Variants in DUSP8 observed in about 807,000 individuals in gnomAD.
DUSP8 encodes the protein dual specificity phosphatase 8, also known as dual specificity protein phosphatase 8.
Under a neutral mutation model 38.7 loss-of-function variants are expected in DUSP8, and 15 were observed. The ratio of observed to expected loss-of-function variants is 0.39; its 90% confidence interval spans 0.26 to 0.60. The LOEUF (loss-of-function observed/expected upper bound fraction) is 0.60. Ranked by LOEUF, DUSP8 falls within the 20% of genes least tolerant of loss-of-function variation. DUSP8 has a pLI of 0.56. For synonymous variants in DUSP8, 458 were observed against 433.9 expected (o/e 1.06, Z -0.69); for missense variants, 768 against 915.0 (o/e 0.84, Z 2.07).
chr11:1,559,110 G>T, intron 3 of DUSP8, 55 bp from the exon 4 acceptor site: 1 of 1,549,682 alleles, frequency 6.5e-7, no homozygotes, highest in Non-Finnish European at 8.7e-7. Flanking sequence ...CTCCCTGTCC[G>T]CCTAGGGTGC....
At position 1,556,851 on chromosome 11, in the gene DUSP8, TG is replaced by T; in HGVS notation, c.1544del (p.Pro515GlnfsTer149). On this transcript the variant is annotated frameshift_variant, in exon 7 of 7. Coordinates refer to ENST00000397374, the MANE Select transcript of DUSP8 (RefSeq NM_004420.3). LOFTEE classifies it high-confidence loss of function. The surrounding 1 kb of genome is among the most constrained non-coding windows in gnomAD (Gnocchi z 5.2). ...AGGGCCCGTCGGGCGACGGCGTGCC[TG>T]GGGAGTCGAGCGGCGGTGCCCAGGC... ...PGAWAPPLDSPGTPSPDGPWC... is the reference protein window; with the variant it reads ...PGAWAPPLDSXGTPSPDGPWC... 2 of 1,138,984 alleles carry T rather than the reference TG, an allele frequency of 1.8e-6. No individual in the cohort carries two copies. The highest frequency in any genetic ancestry group is 1.1e-6 in the Non-Finnish European group (1 of 929,178). The allele number at this position is 1,138,984 out of a possible 1,614,324, so 70.6% of individuals were successfully genotyped here. A position where few individuals can be genotyped will look rare whatever the true frequency, so the allele number is the denominator to read the frequency against.
rs755470031 is a variant in DUSP8, at chr11:1,565,604, G to A, written c.223C>T (p.Arg75Cys). The A allele has an allele frequency of 4.9e-5, 78 of 1,602,274 alleles. No homozygotes were observed. Among genetic ancestry groups the A allele is most frequent in the East Asian group, 1.3e-4 (6 of 44,594 alleles). ...GGCAGTGGGCTGGGTACCTGGCTGC[G>A]TGCAGCCGGCTGGATGAGCTCCGCA... The part of the protein sequence containing the change: ...TIAELIQPAA[R>C]SQVEATEPQD... Residue 75 changes from arginine to cysteine, a missense_variant, in exon 2 of 7, where the codon CGC becomes TGC. Around this residue, in one of 3 missense-constraint regions of DUSP8, gnomAD observed 252 missense variants for 410.4 expected, o/e 0.61. Transcript: ENST00000397374.
intron 2 of DUSP8, 125 bp downstream of exon 2, chr11:1,565,471 G>A: frequency 1.3e-6 from 1 of 759,026 alleles, no homozygotes; most frequent in Non-Finnish European, 2.2e-6. Context: ...ACACGCCCCT[G>A]GCTGTGACCC....
intron 1 of DUSP8, among the ~76,000 whole-genome samples, chr11:1,570,514 A>G (rs957186638): frequency 1.2e-4 from 19 of 152,088 alleles, no homozygotes; most frequent in Admixed American, 3.9e-4. Flanking sequence ...CTGAGAAGAG[A>G]AGGGTCCTGG....
Position 1,556,455 on chromosome 11 carries a change from A to T in DUSP8, c.*63T>A. 8.1e-7 allele frequency: 1 copy of T among 1,230,414 alleles called. No individual in the cohort carries two copies. Among genetic ancestry groups the T allele is most frequent in the Non-Finnish European group, 1.0e-6 (1 of 986,786 alleles). 76.2% of individuals were successfully genotyped at this position (1,230,414 alleles called of 1,614,324 possible). On this transcript the variant is annotated 3_prime_UTR_variant, in exon 7 of 7. Coordinates refer to ENST00000397374, the MANE Select transcript of DUSP8 (RefSeq NM_004420.3). This position sits in a 1 kb window ranked among gnomAD's most constrained non-coding sequence, Gnocchi z 5.2. ...AAAACCATTTACCTTTCTTTGCATT[A>T]TATATAATATACATTTATAACGGGC... is the stretch of plus-strand genomic sequence containing the variant.
At chr11:1,570,563 T>A (rs1848872789) in intron 1 of DUSP8, among the ~76,000 whole-genome samples, 1 of 152,136 alleles carries the variant, frequency 6.6e-6, no homozygotes, top group South Asian at 2.1e-4. Flanking sequence ...GCACCTCTGT[T>A]AATGGGACTT....
In DUSP8 at chr11:1,555,250, G is replaced by A. The variant is rs1298481983; in HGVS notation, c.*1268C>T. Reference sequence around the variant, plus strand: ...GGCTGGCATGCCACCTAGAGAGAGAGCACCCTGGGAAAGGGGTGAATGGGA... The same window carrying A: ...GGCTGGCATGCCACCTAGAGAGAGAACACCCTGGGAAAGGGGTGAATGGGA... On this transcript the variant is annotated 3_prime_UTR_variant, in exon 7 of 7. Coordinates refer to ENST00000397374, the MANE Select transcript of DUSP8 (RefSeq NM_004420.3). The A allele has an allele frequency of 5.1e-6, 5 of 987,764 alleles. No individual in the cohort carries two copies. Among genetic ancestry groups the A allele is most frequent in the Non-Finnish European group, 6.0e-6 (5 of 830,174 alleles). The allele number at this position is 987,764 out of a possible 1,614,324, so 61.2% of individuals were successfully genotyped here.
chr11:1,565,521 T>A, intron 2 of DUSP8, 75 bp downstream of exon 2: 2 of 1,196,532 alleles, frequency 1.7e-6, no homozygotes, highest in Admixed American at 4.2e-5. Context: ...AGGAGGGGGG[T>A]GCTGCCCGAG....
chr11:1,565,981 G>A, intron 1 of DUSP8, 47 bp from the exon 2 acceptor site: 1 of 636,712 alleles, frequency 1.6e-6, no homozygotes. Flanking sequence ...CCCCTGGGTG[G>A]CACCCAGAAG....
At chr11:1,564,291 C>G (rs1439656861) in intron 2 of DUSP8, among the ~76,000 whole-genome samples, 1 of 152,188 alleles carries the variant, frequency 6.6e-6, no homozygotes, top group Non-Finnish European at 1.5e-5. Context: ...ACGCTCTGGG[C>G]CAGGCCTGTG....
rs1399208086 is a variant in DUSP8 at position 1,572,056 on chromosome 11, C to T, written c.-264G>A. On this transcript the variant is annotated 5_prime_UTR_variant, in exon 1 of 7. Transcript: ENST00000397374. The surrounding 1 kb of genome is among the most constrained non-coding windows in gnomAD (Gnocchi z 4.7). The stretch of plus-strand genomic sequence containing the variant: ...GCGTCGCCGTCGCCGCCGTCGCCGC[C>T]GCCAACGCCGCGGGGAGCGCTCGCT... The T allele has an allele frequency of 3.4e-5, 5 of 145,536 alleles. No individual in the cohort carries two copies. The highest frequency in any genetic ancestry group is 7.6e-5 in the Non-Finnish European group (5 of 65,616). The allele number at this position is 145,536 out of a possible 1,614,324, so 9.0% of individuals were successfully genotyped here.
intron 1 of DUSP8, among the ~76,000 whole-genome samples, chr11:1,569,623 C>T (rs999983885): frequency 1.8e-4 from 28 of 152,298 alleles, no homozygotes; most frequent in African/African-American, 6.3e-4. Context: ...CACCCAGCGT[C>T]TCTGTGCAGC....
chr11:1,570,898 C>T (rs1272776883), intron 1 of DUSP8, among the ~76,000 whole-genome samples: 1 of 152,104 alleles, frequency 6.6e-6, no homozygotes, highest in African/African-American at 2.4e-5. Context: ...CTCAGACCCC[C>T]CGCTGGGGCA....
In DUSP8 at chr11:1,565,610, C is replaced by T; in HGVS notation, c.217G>A (p.Ala73Thr). 6.2e-7 allele frequency: 1 copy of T among 1,603,986 alleles called. No individual in the cohort carries two copies. The highest frequency in any genetic ancestry group is 1.1e-5 in the South Asian group (1 of 90,874). ...GGGCTGGGTACCTGGCTGCGTGCAGCCGGCTGGATGAGCTCCGCAATGGTC... is the reference window on the plus strand; with the variant it reads ...GGGCTGGGTACCTGGCTGCGTGCAGTCGGCTGGATGAGCTCCGCAATGGTC... ...KVTIAELIQPAARSQVEATEP... is the reference protein window; with the variant it reads ...KVTIAELIQPTARSQVEATEP... Residue 73 changes from alanine (A) to threonine (T), a missense_variant, in exon 2 of 7, where the codon GCT (alanine) becomes ACT (threonine). Around this residue, in one of 3 missense-constraint regions of DUSP8, gnomAD observed 252 missense variants for 410.4 expected, o/e 0.61. Coordinates refer to ENST00000397374, the MANE Select transcript of DUSP8 (RefSeq NM_004420.3).
intron 1 of DUSP8, 44 bp from the exon 2 acceptor site, chr11:1,565,978 G>A (rs1225843315): frequency 4.5e-6 from 3 of 659,376 alleles, no homozygotes; most frequent in East Asian, 2.7e-5. Context: ...GGGCCCCTGG[G>A]TGGCACCCAG....
chr11:1,569,377 C>T (rs556883751), intron 1 of DUSP8, among the ~76,000 whole-genome samples: 13 of 152,166 alleles, frequency 8.5e-5, no homozygotes, highest in Admixed American at 3.9e-4. Context: ...GCCCTCTGTG[C>T]GTGCCAGAAC....
Position 1,565,941 on chromosome 11 carries a change from G to T in DUSP8, c.-108-7C>A. ...CTAGCACATGGTGCTGGACCTGCAG[G>T]GACAGGGGGATGGTCAGCAGTGCTG... is the stretch of plus-strand genomic sequence containing the variant. On this transcript the variant is annotated splice_polypyrimidine_tract_variant and splice_region_variant and intron_variant, in intron 1 of 6. Transcript: ENST00000397374. The T allele has an allele frequency of 1.2e-6, 1 of 868,648 alleles. No individual in the cohort carries two copies. Among genetic ancestry groups the T allele is most frequent in the Non-Finnish European group, 1.8e-6 (1 of 543,888 alleles). 53.8% of individuals were successfully genotyped at this position (868,648 alleles called of 1,614,324 possible). A position where few individuals can be genotyped will look rare whatever the true frequency, so the allele number is the denominator to read the frequency against.
In DUSP8 at chr11:1,565,921, A is replaced by AC; in HGVS notation, c.-96dup. On this transcript the variant is annotated 5_prime_UTR_variant, in exon 2 of 7. It removes the in-frame stop codon of an upstream open reading frame in the 5' UTR. Transcript: ENST00000397374. Reference sequence around the variant, plus strand: ...GGCCTCGCGCTGGGAGTGACCTAGCACATGGTGCTGGACCTGCAGGGACAG... The same window carrying AC: ...GGCCTCGCGCTGGGAGTGACCTAGCACCATGGTGCTGGACCTGCAGGGACAG... The AC allele has an allele frequency of 3.7e-6, 4 of 1,080,386 alleles. No individual in the cohort carries two copies. Among genetic ancestry groups the AC allele is most frequent in the Non-Finnish European group, 5.6e-6 (4 of 718,414 alleles). 66.9% of individuals were successfully genotyped at this position (1,080,386 alleles called of 1,614,324 possible).
At position 1,566,894 on chromosome 11, in the gene DUSP8, G is replaced by T. The variant is rs554907305; in HGVS notation, c.-108-960C>A. On this transcript the variant is annotated intron_variant, in intron 1 of 6. Coordinates refer to ENST00000397374, the MANE Select transcript of DUSP8 (RefSeq NM_004420.3). ...GATGGAGTCTCCGGAAGCCCCTCCT[G>T]CAGGCTTGATGACAAGCCTGTCACT... 8.4e-4 allele frequency among the ~76,000 whole-genome samples: 128 copies of T among 152,122 alleles called. 3 individuals are homozygous for T. The South Asian group carries it at 0.027, about 32-fold the overall frequency.
Sources: gnomAD v4.1 joint callset for allele counts (sites outside exome capture counted in the v4.1 genomes callset) on GRCh38, gnomAD v4.1.1 for gene constraint, gnomAD v4.1.1 regional missense constraint, Gnocchi (gnomAD v3.1) non-coding constraint, MANE v1.5 for transcripts, NCBI Gene and HGNC (gene_info 2026-07-23, HGNC 2026-07-21) for gene names.